Variants in C1orf94 observed in about 807,000 individuals in gnomAD.
C1orf94 encodes the protein chromosome 1 open reading frame 94, also known as uncharacterized protein C1orf94.
C1orf94 carries 45 observed loss-of-function variants against 53.6 expected under a neutral mutation model. The ratio of observed to expected loss-of-function variants is 0.84; its 90% CI spans 0.66 to 1.08. The LOEUF (loss-of-function observed/expected upper bound fraction) is 1.08, where lower values mean the gene tolerates loss of function less well. C1orf94 is among the 50% of genes least tolerant of loss of function. The probability of loss-of-function intolerance (pLI) is 0.00; values close to 1 mark genes in which losing one functional copy is unlikely to be tolerated. For synonymous variants in C1orf94, 304 were observed against 296.1 expected (o/e 1.03, Z -0.27); for missense variants, 762 against 738.9 (o/e 1.03, Z -0.36).
intron 1 of C1orf94, among the ~76,000 whole-genome samples, chr1:34,179,650 C>T (rs918501441): frequency 1.3e-5 from 2 of 152,200 alleles, no homozygotes; most frequent in Non-Finnish European, 2.9e-5. Flanking sequence ...TAATGAGGAT[C>T]CAATGTGATG....
chr1:34,202,009 G>A, intron 3 of C1orf94, 75 bp from the exon 4 acceptor site: 3 of 1,478,346 alleles, frequency 2.0e-6, no homozygotes, highest in East Asian at 2.3e-5. Context: ...CCCTAAGGAA[G>A]TTGCGATGCT....
At chr1:34,196,324 G>A (rs552335316) in intron 1 of C1orf94, among the ~76,000 whole-genome samples, 24 of 152,186 alleles carry the variant, frequency 1.6e-4, no homozygotes, top group Non-Finnish European at 3.2e-4. Context: ...GGAGGACCCA[G>A]GGTCCAAGGG....
At chr1:34,181,570 T>G (rs2148612037) in intron 1 of C1orf94, among the ~76,000 whole-genome samples, 1 of 152,334 alleles carries the variant, frequency 6.6e-6, no homozygotes, top group South Asian at 2.1e-4. Context: ...GATGGAGCTG[T>G]GAACTCCATT....
Position 34,177,096 on chromosome 1 carries a change from G to A in C1orf94, c.-694G>A, listed in dbSNP as rs975316606. On this transcript the variant is annotated 5_prime_UTR_variant, in exon 1 of 7. Transcript: ENST00000488417. ...CTGGCAGCGCGGCGCGGCTGGGGCA[G>A]GGGTCTGCTGGGGGCCGGGGACTAA... Among the ~76,000 whole-genome samples the A allele has an allele frequency of 6.6e-6, 1 of 152,240 alleles. No individual in the cohort carries two copies. The highest frequency in any genetic ancestry group is 1.5e-5 in the Non-Finnish European group (1 of 68,038).
intron 1 of C1orf94, among the ~76,000 whole-genome samples, chr1:34,182,743 T>C (rs532328190): frequency 4.6e-4 from 70 of 152,256 alleles, no homozygotes; most frequent in Non-Finnish European, 6.8e-4. Flanking sequence ...TCAATGTGAC[T>C]GGGGTGTTGA....
In C1orf94 at chr1:34,197,485, T is replaced by A; in HGVS notation, c.581T>A (p.Ile194Asn). 1 of 1,614,130 alleles carries A rather than the reference T, an allele frequency of 6.2e-7. No homozygotes were observed. Among genetic ancestry groups the A allele is most frequent in the Non-Finnish European group, 8.5e-7 (1 of 1,180,018 alleles). Residue 194 changes from isoleucine to asparagine, a missense_variant, in exon 2 of 7, where the codon ATC (isoleucine) becomes AAC (asparagine). Physicochemically the swap from Ile to Asn is moderately radical, Grantham distance 149. Transcript: ENST00000488417. The surrounding 1 kb of genome is among the most constrained non-coding windows in gnomAD (Gnocchi z 4.1). ...AAGCAGAAGGTGGCCATGCCCGTTATCAGCAGCAGGCAGGACTGTGATTCT... is the reference window on the plus strand; with the variant it reads ...AAGCAGAAGGTGGCCATGCCCGTTAACAGCAGCAGGCAGGACTGTGATTCT... ...LLKQKVAMPV[I>N]SSRQDCDSAT...
chr1:34,200,581 C>T (rs981778189), intron 2 of C1orf94, among the ~76,000 whole-genome samples, 191 bp from the exon 3 acceptor site: 1 of 151,860 alleles, frequency 6.6e-6, no homozygotes, highest in Non-Finnish European at 1.5e-5. Context: ...TGCATGAGAT[C>T]GGGGGGCAGG....
At position 34,208,176 on chromosome 1, in the gene C1orf94, C is replaced by T; in HGVS notation, c.1466C>T (p.Ala489Val). Reference sequence around the variant, plus strand: ...CCCCAGGGCCTGTACCCACAGCAGGCAGCGAGGATGCCCTATCAGCAGGCT... The same window carrying T: ...CCCCAGGGCCTGTACCCACAGCAGGTAGCGAGGATGCCCTATCAGCAGGCT... ...LQYQGLYPQQ[A>V]ARMPYQQALH... The change falls in exon 5 of 7, where the codon GCA (alanine) becomes GTA (valine). Residue 489 changes from alanine to valine, a missense_variant. Transcript: ENST00000488417. The T allele has an allele frequency of 6.2e-7, 1 of 1,614,138 alleles. No homozygotes were observed. The highest frequency in any genetic ancestry group is 8.5e-7 in the Non-Finnish European group (1 of 1,180,014).
chr1:34,188,300 G>A (rs1380274336), intron 1 of C1orf94, among the ~76,000 whole-genome samples: 1 of 152,170 alleles, frequency 6.6e-6, no homozygotes, highest in East Asian at 1.9e-4. Flanking sequence ...AGAAAAGTGT[G>A]GAAGGAAGGA....
At position 34,197,424 on chromosome 1, in the gene C1orf94, C is replaced by A; in HGVS notation, c.520C>A (p.Pro174Thr). 1 of 1,613,932 alleles carries A rather than the reference C, an allele frequency of 6.2e-7. No individual in the cohort carries two copies. The highest frequency in any genetic ancestry group is 2.2e-5 in the East Asian group (1 of 44,860). ...TCTAGTGGCAGGCAGTAATGAGCGC[C>A]CCAGAGCCTCCATCATTGTCGGAGA... The part of the protein sequence containing the change: ...PPLVAGSNER[P>T]RASIIVGDKL... Residue 174 changes from proline to threonine, a missense_variant, in exon 2 of 7, where the codon CCC (proline) becomes ACC (threonine). Pro to Thr is a conservative substitution (Grantham distance 38). Coordinates refer to ENST00000488417, the MANE Select transcript of C1orf94 (RefSeq NM_001134734.2). This position sits in a 1 kb window ranked among gnomAD's most constrained non-coding sequence, Gnocchi z 4.1.
At chr1:34,183,851 C>A (rs1003682345) in intron 1 of C1orf94, among the ~76,000 whole-genome samples, 9 of 147,962 alleles carry the variant, frequency 6.1e-5, no homozygotes, top group Non-Finnish European at 1.2e-4. Flanking sequence ...AGCAAAACTC[C>A]GTCTCAAAAA....
upstream of C1orf94, among the ~76,000 whole-genome samples, chr1:34,174,333 G>T (rs1228676455): frequency 6.6e-6 from 1 of 152,218 alleles, no homozygotes; most frequent in Non-Finnish European, 1.5e-5. Flanking sequence ...GACTTTCCAT[G>T]TGTTAAGCAA....
rs149930851 is a variant in C1orf94 at position 34,194,549 on chromosome 1, G to A, written c.321-2676G>A. 1.5e-3 allele frequency among the ~76,000 whole-genome samples: 221 copies of A among 152,300 alleles called. 1 individual carries two copies. Among genetic ancestry groups the A allele is most frequent in the African/African-American group, 5.1e-3 (212 of 41,546 alleles). On this transcript the variant is annotated intron_variant, in intron 1 of 6. Coordinates refer to ENST00000488417, the MANE Select transcript of C1orf94 (RefSeq NM_001134734.2). ...TAAAATAAAGCAGAAAGCAAATACA[G>A]ACAAATAGAATGACTAGTGTGTGAT...
At position 34,177,664 on chromosome 1, in the gene C1orf94, G is replaced by A. The variant is rs193068425; in HGVS notation, c.-126G>A. Reference sequence around the variant, plus strand: ...TAAGCCCTCCCCTCCCCAAAAGAAAGCTGTCCTCCACCCACCCCTCCCACA... The same window carrying A: ...TAAGCCCTCCCCTCCCCAAAAGAAAACTGTCCTCCACCCACCCCTCCCACA... On this transcript the variant is annotated 5_prime_UTR_variant, in exon 1 of 7. Transcript: ENST00000488417. 8 of 813,440 alleles carry A rather than the reference G, an allele frequency of 9.8e-6. No individual in the cohort carries two copies. The Admixed American group carries it at 1.8e-4, about 18-fold the overall frequency. The allele number at this position is 813,440 out of a possible 1,614,324, so 50.4% of individuals were successfully genotyped here.
intron 6 of C1orf94, among the ~76,000 whole-genome samples, chr1:34,213,892 T>G (rs188917395): frequency 2.6e-4 from 39 of 152,152 alleles, no homozygotes; most frequent in South Asian, 1.5e-3. Flanking sequence ...CCTTCTTTCC[T>G]CCCTCCCTCC....
intron 1 of C1orf94, among the ~76,000 whole-genome samples, chr1:34,186,353 A>T (rs1446312343): frequency 6.6e-6 from 1 of 152,242 alleles, no homozygotes; most frequent in South Asian, 2.1e-4. Context: ...CACTGGGAAT[A>T]AGAGAAGGAC....
intron 1 of C1orf94, among the ~76,000 whole-genome samples, chr1:34,170,061 G>T (rs773745819): frequency 1.3e-5 from 2 of 152,246 alleles, no homozygotes; most frequent in Non-Finnish European, 2.9e-5. Flanking sequence ...TCATGCCAGT[G>T]ACAAAACAGG....
chr1:34,201,050 G>A lies in C1orf94; in HGVS notation c.1270+18G>A, dbSNP rs764646311. On this transcript the variant is annotated intron_variant, in intron 3 of 6. Coordinates refer to ENST00000488417, the MANE Select transcript of C1orf94 (RefSeq NM_001134734.2). ...GCTGAAATGTGAGCTGACCTACCCA[G>A]GGAGGGATTGGAGGGGAGGGGGTTG... 6.4e-7 allele frequency: 1 copy of A among 1,566,058 alleles called. No individual in the cohort carries two copies. The highest frequency in any genetic ancestry group is 8.7e-7 in the Non-Finnish European group (1 of 1,154,634).
chr1:34,205,633 GT>G (rs1355879911), intron 4 of C1orf94, among the ~76,000 whole-genome samples: 3 of 152,196 alleles, frequency 2.0e-5, no homozygotes, highest in African/African-American at 7.2e-5. Context: ...ACAGATGTTG[GT>G]TTTTATTATT....
Sources: gnomAD v4.1 joint callset for allele counts (sites outside exome capture counted in the v4.1 genomes callset) on GRCh38, gnomAD v4.1.1 for gene constraint, Gnocchi (gnomAD v3.1) non-coding constraint, MANE v1.5 for transcripts, NCBI Gene and HGNC (gene_info 2026-07-23, HGNC 2026-07-21) for gene names.